CACNA2D3: variants seen among roughly 807,000 people sequenced by gnomAD.
CACNA2D3 encodes calcium voltage-gated channel auxiliary subunit alpha2delta 3, also known as voltage-dependent calcium channel subunit alpha-2/delta-3.
Under a neutral mutation model 160.6 loss-of-function variants are expected in CACNA2D3, and 60 were observed. The ratio of observed to expected loss-of-function variants is 0.37; its 90% CI spans 0.30 to 0.46. The LOEUF is 0.46. Among genes scored for constraint, CACNA2D3 ranks in the 20% least tolerant of loss-of-function variants. The pLI is 1.00. For missense variants in CACNA2D3, 1,205 were observed against 1,365.0 expected, an observed-to-expected ratio of 0.88 and a Z score of 1.85; for synonymous variants, 558 against 492.9, an observed-to-expected ratio of 1.13 and a Z score of -1.75.
At chr3:55,022,515 C>T (rs1703478120) in intron 35 of CACNA2D3, among the ~76,000 whole-genome samples, 1 of 147,644 alleles carries the variant, frequency 6.8e-6, no homozygotes, top group African/African-American at 2.7e-5. Flanking sequence ...CATGTTTTTT[C>T]TTTGTTCCTT....
At chr3:54,934,455 C>T (rs1237642580) in intron 27 of CACNA2D3, among the ~76,000 whole-genome samples, 2 of 152,094 alleles carry the variant, frequency 1.3e-5, no homozygotes, top group Non-Finnish European at 2.9e-5. Context: ...TCAAGGAATG[C>T]CTAGGATTAT....
At chr3:54,924,731 C>G (rs747379943) in intron 27 of CACNA2D3, 2 of 1,614,100 alleles carry the variant, frequency 1.2e-6, no homozygotes, top group Non-Finnish European at 1.7e-6. Flanking sequence ...ATTCCAGGAG[C>G]GCTCGATCAA....
chr3:54,540,329 T>C (rs1279995822), intron 5 of CACNA2D3, among the ~76,000 whole-genome samples: 3 of 152,184 alleles, frequency 2.0e-5, no homozygotes, highest in African/African-American at 4.8e-5. Flanking sequence ...TAAGAAACAA[T>C]AGTGAACTGC....
At chr3:54,868,200 A>G (rs1244289326) in intron 17 of CACNA2D3, among the ~76,000 whole-genome samples, 1 of 152,218 alleles carries the variant, frequency 6.6e-6, no homozygotes, top group Non-Finnish European at 1.5e-5. Context: ...TTTCTCACTC[A>G]AATTAATCAC....
intron 9 of CACNA2D3, among the ~76,000 whole-genome samples, chr3:54,613,476 C>G (rs946102113): frequency 2.0e-5 from 3 of 152,184 alleles, no homozygotes; most frequent in African/African-American, 7.2e-5. Flanking sequence ...GGCCCTGGGC[C>G]TCTCTTGCCT....
At chr3:54,945,989 C>T (rs1243719980) in intron 27 of CACNA2D3, among the ~76,000 whole-genome samples, 2 of 152,202 alleles carry the variant, frequency 1.3e-5, no homozygotes, top group African/African-American at 2.4e-5. Flanking sequence ...CACGCTTATT[C>T]GCCTAGCTCT....
At chr3:54,231,460 G>A (rs1171659209) in intron 2 of CACNA2D3, among the ~76,000 whole-genome samples, 1 of 152,162 alleles carries the variant, frequency 6.6e-6, no homozygotes, top group African/African-American at 2.4e-5. Context: ...AAAGCAATGT[G>A]TTAGTTAATA....
At chr3:54,865,931 T>C (rs189780243) in intron 17 of CACNA2D3, among the ~76,000 whole-genome samples, 176 of 152,028 alleles carry the variant, frequency 1.2e-3, no homozygotes, top group African/African-American at 4.1e-3. Context: ...ATGAGGAAAA[T>C]GAGGCACAGA....
intron 25 of CACNA2D3, among the ~76,000 whole-genome samples, chr3:54,892,302 C>T (rs1327693389): frequency 1.3e-5 from 2 of 152,062 alleles, no homozygotes; most frequent in African/African-American, 2.4e-5. Context: ...CTTCAGGGTA[C>T]CTGGAGGTGA....
chr3:54,130,501 A>G (rs1008295229), intron 2 of CACNA2D3, among the ~76,000 whole-genome samples: 3 of 152,200 alleles, frequency 2.0e-5, no homozygotes, highest in African/African-American at 7.2e-5. Context: ...GTAACGCTCA[A>G]TGCTGTAGTT....
intron 5 of CACNA2D3, among the ~76,000 whole-genome samples, chr3:54,521,946 G>C (rs113061300): frequency 1.4e-4 from 22 of 152,196 alleles, no homozygotes; most frequent in African/African-American, 3.9e-4. Flanking sequence ...TTATTATTTT[G>C]TAGTAAAATT....
intron 3 of CACNA2D3, among the ~76,000 whole-genome samples, chr3:54,328,509 T>TG (rs1302138144): frequency 1.3e-5 from 2 of 152,128 alleles, no homozygotes; most frequent in Non-Finnish European, 2.9e-5. Context: ...CTCGAACTCC[T>TG]GACCTCAGGT....
rs773498656 is a variant in CACNA2D3 at position 55,074,187 on chromosome 3, T to C, written c.3257T>C (p.Leu1086Ser). 1.2e-6 allele frequency: 2 copies of C among 1,613,730 alleles called. No homozygotes were observed. ...QTVLLLLPLL[L>S]MLFSR ...GTCCTCCTTCTGCTCCCTCTGCTTTTGATGCTCTTCTCAAGGTGACACTGA... is the reference window on the plus strand; with the variant it reads ...GTCCTCCTTCTGCTCCCTCTGCTTTCGATGCTCTTCTCAAGGTGACACTGA... Residue 1086 changes from leucine (L) to serine (S), a missense_variant, in exon 38 of 38, where the codon TTG becomes TCG. Physicochemically the swap from Leu to Ser is moderately radical, Grantham distance 145. This residue lies in a region of CACNA2D3 where 911 missense variants were observed against 1,002.2 expected (regional missense o/e 0.91). Transcript: ENST00000474759.
At chr3:54,690,011 A>G (rs1170610752) in intron 11 of CACNA2D3, among the ~76,000 whole-genome samples, 1 of 151,998 alleles carries the variant, frequency 6.6e-6, no homozygotes, top group Non-Finnish European at 1.5e-5. Flanking sequence ...CTCCTGAGAC[A>G]AGCAGGCACT....
intron 3 of CACNA2D3, among the ~76,000 whole-genome samples, chr3:54,382,142 A>G (rs1469791308): frequency 6.6e-6 from 1 of 152,214 alleles, no homozygotes; most frequent in African/African-American, 2.4e-5. Flanking sequence ...TCACAATTCT[A>G]TAATCCCATC....
intron 16 of CACNA2D3, among the ~76,000 whole-genome samples, chr3:54,839,655 C>T (rs1698778233): frequency 6.6e-6 from 1 of 152,156 alleles, no homozygotes; most frequent in South Asian, 2.1e-4. Context: ...TATTGGCTGC[C>T]AGGGGCTTCT....
At chr3:54,834,729 T>C (rs552785217) in intron 14 of CACNA2D3, among the ~76,000 whole-genome samples, 38 of 152,328 alleles carry the variant, frequency 2.5e-4, no homozygotes, top group African/African-American at 8.4e-4. Flanking sequence ...GAGCTAGAGA[T>C]AGGCTATACA....
At chr3:54,376,627 C>A (rs1024902628) in intron 3 of CACNA2D3, among the ~76,000 whole-genome samples, 1 of 152,156 alleles carries the variant, frequency 6.6e-6, no homozygotes, top group African/African-American at 2.4e-5. Context: ...CCCAACTGAA[C>A]TGTGTGAGAG....
intron 9 of CACNA2D3, among the ~76,000 whole-genome samples, chr3:54,599,829 G>C (rs1703030349): frequency 6.6e-6 from 1 of 152,178 alleles, no homozygotes; most frequent in African/African-American, 2.4e-5. Flanking sequence ...TCGTTCCTTA[G>C]GTCTGGGTCT....
Sources: allele counts gnomAD v4.1 joint callset (sites outside exome capture counted in the v4.1 genomes callset), GRCh38; gene constraint gnomAD v4.1.1; regional missense constraint gnomAD v4.1.1; transcripts MANE v1.5; gene names NCBI Gene and HGNC (gene_info 2026-07-23, HGNC 2026-07-21).